PLXND1: variants seen among roughly 807,000 people sequenced by gnomAD.
The protein encoded by PLXND1 is plexin-D1.
PLXND1 carries 54 observed loss-of-function variants against 197.7 expected under a neutral mutation model. The observed-to-expected ratio is 0.27, with a 90% confidence interval of 0.22 to 0.34. The LOEUF is 0.34. Ranked by LOEUF, PLXND1 falls within the 10% of genes least tolerant of loss-of-function variation. The pLI, the probability that PLXND1 is intolerant of heterozygous loss-of-function variation, is 1.00. For synonymous variants in PLXND1, 1,180 were observed against 1,161.2 expected (o/e 1.02, Z -0.33); for missense variants, 2,127 against 2,699.2 (o/e 0.79, Z 4.70).
At chr3:129,604,699 C>G (rs1238586971) in intron 1 of PLXND1, among the ~76,000 whole-genome samples, 1 of 152,208 alleles carries the variant, frequency 6.6e-6, no homozygotes, top group African/African-American at 2.4e-5. Context: ...CCGACTCATG[C>G]CCAAATACCT....
chr3:129,566,051 G>A, intron 23 of PLXND1, 34 bp from the exon 24 acceptor site: 2 of 1,611,960 alleles, frequency 1.2e-6, no homozygotes, highest in South Asian at 1.1e-5. Flanking sequence ...GTGTCCAGAG[G>A]GGCCCAGTGT....
chr3:129,569,587 T>C (rs944915957), intron 20 of PLXND1: 2 of 468,940 alleles, frequency 4.3e-6, no homozygotes, highest in Non-Finnish European at 7.8e-6. Context: ...TGGTTCCAAA[T>C]TTCTCTGCTT....
Position 129,606,117 on chromosome 3 carries a change from C to G in PLXND1, c.523G>C (p.Val175Leu), listed in dbSNP as rs752620942. The change falls in exon 1 of 36, where the codon GTG becomes CTG. Residue 175 changes from valine to leucine, a missense_variant. Coordinates refer to ENST00000324093, the MANE Select transcript of PLXND1 (RefSeq NM_015103.3). ...PAAPPAEPVT[V>L]FPSMLNVAAN... ...GCCACGTTCAGCATGCTGGGGAACACCGTGACGGGCTCGGCGGGCGGCGCG... is the reference window on the plus strand; with the variant it reads ...GCCACGTTCAGCATGCTGGGGAACAGCGTGACGGGCTCGGCGGGCGGCGCG... The G allele has an allele frequency of 6.5e-7, 1 of 1,536,886 alleles. No homozygotes were observed. Among genetic ancestry groups the G allele is most frequent in the Non-Finnish European group, 8.7e-7 (1 of 1,149,054 alleles).
chr3:129,571,872 G>A (rs1301750849), intron 15 of PLXND1, 28 bp from the exon 16 acceptor site: 1 of 1,569,600 alleles, frequency 6.4e-7, no homozygotes, highest in East Asian at 2.4e-5. Flanking sequence ...TTATCAGCAG[G>A]GCCTGCCTTC....
chr3:129,585,844 G>T (rs766942162), intron 5 of PLXND1, 108 bp downstream of exon 5: 564 of 1,439,590 alleles, frequency 3.9e-4, no homozygotes, highest in Non-Finnish European at 5.2e-4. Context: ...TTGTCTTCAG[G>T]TCCTTGGGGC....
At position 129,561,658 on chromosome 3, in the gene PLXND1, T is replaced by A; in HGVS notation, c.4981A>T (p.Thr1661Ser). 2 of 1,607,702 alleles carry A rather than the reference T, an allele frequency of 1.2e-6. No individual in the cohort carries two copies. Among genetic ancestry groups the A allele is most frequent in the Non-Finnish European group, 1.7e-6 (2 of 1,177,052 alleles). Residue 1661 changes from threonine (T) to serine (S), a missense_variant, in exon 29 of 36, where the codon ACA becomes TCA. Physicochemically the swap from Thr to Ser is moderately conservative, Grantham distance 58. Coordinates refer to ENST00000324093, the MANE Select transcript of PLXND1 (RefSeq NM_015103.3). ...AMSLIDKKDN[T>S]LGRVKDLDTE... ...GCACCCGCACTACCTCGGCCCAGTG[T>A]GTTGTCCTTCTTGTCTATGAGACTC...
intron 22 of PLXND1, among the ~76,000 whole-genome samples, chr3:129,567,060 G>GGGCA (rs147341152): frequency 0.11 from 16,130 of 152,038 alleles, 1,634 homozygotes; most frequent in African/African-American, 0.27. Context: ...GACCCTGGAA[G>GGGCA]GGCAAGGGGA....
intron 1 of PLXND1, among the ~76,000 whole-genome samples, chr3:129,600,856 G>C (rs979077126): frequency 6.6e-6 from 1 of 151,902 alleles, no homozygotes; most frequent in Non-Finnish European, 1.5e-5. Context: ...TCTTGACGAC[G>C]TGCACCCACC....
rs2085238709 is a variant in PLXND1 at position 129,571,856 on chromosome 3, A to C, written c.3078-12T>G. ...TGGTATCTGTGCGCCTGGGGGGAGC[A>C]GCAGGTTATCAGCAGGGCCTGCCTT... is the stretch of plus-strand genomic sequence containing the variant. On this transcript the variant is annotated splice_polypyrimidine_tract_variant and intron_variant, in intron 15 of 35. Coordinates refer to ENST00000324093, the MANE Select transcript of PLXND1 (RefSeq NM_015103.3). The C allele has an allele frequency of 1.2e-6, 2 of 1,600,454 alleles. No homozygotes were observed. The highest frequency in any genetic ancestry group is 1.7e-6 in the Non-Finnish European group (2 of 1,173,746).
chr3:129,562,899 G>T lies in PLXND1; in HGVS notation c.4713C>A (p.Ser1571Arg). ...SFQGCGMDSL[S>R]VRAMDTDTLT... ...GCGTGTCGGTGTCCATGGCCCGCACGCTCAGCGAGTCCATGCCACAGCCCT... is the reference window on the plus strand; with the variant it reads ...GCGTGTCGGTGTCCATGGCCCGCACTCTCAGCGAGTCCATGCCACAGCCCT... Residue 1571 changes from serine (S) to arginine (R), a missense_variant, in exon 27 of 36, where the codon AGC becomes AGA. Ser to Arg is a moderately radical substitution (Grantham distance 110, BLOSUM62 -1). Around this residue, in one of 6 missense-constraint regions of PLXND1, gnomAD observed 532 missense variants for 811.0 expected, o/e 0.66. Coordinates refer to ENST00000324093, the MANE Select transcript of PLXND1 (RefSeq NM_015103.3). 6.2e-7 allele frequency: 1 copy of T among 1,609,488 alleles called. No individual in the cohort carries two copies.
intron 2 of PLXND1, among the ~76,000 whole-genome samples, chr3:129,587,361 G>A (rs11707404): frequency 0.094 from 14,364 of 152,260 alleles, 902 homozygotes; most frequent in East Asian, 0.26. Context: ...TTAAGGCTAG[G>A]GGTGTGGAAC....
intron 24 of PLXND1, among the ~76,000 whole-genome samples, 161 bp downstream of exon 24, chr3:129,565,725 AC>A (rs1246290783): frequency 6.6e-6 from 1 of 152,070 alleles, no homozygotes; most frequent in Non-Finnish European, 1.5e-5. Flanking sequence ...GTCCACAGCA[AC>A]CATCGTGCCC....
rs776316098 is a variant in PLXND1, at chr3:129,562,804, G to A, written c.4808C>T (p.Ala1603Val). 3 of 1,602,832 alleles carry A rather than the reference G, an allele frequency of 1.9e-6. No individual in the cohort carries two copies. Among genetic ancestry groups the A allele is most frequent in the African/African-American group, 2.7e-5 (2 of 74,838 alleles). ...KNVPYSQWPR[A>V]EDVDLEWFAS... The stretch of plus-strand genomic sequence containing the variant: ...CCACCCACCAAGGTCGACGTCCTCT[G>A]CACGCGGCCACTGGGAGTAGGGCAC... The change falls in exon 27 of 36, where the codon GCA (alanine) becomes GTA (valine). Residue 1603 changes from alanine (A) to valine (V), a missense_variant. Ala to Val is a moderately conservative substitution (Grantham distance 64, BLOSUM62 0). Transcript: ENST00000324093.
In PLXND1 at chr3:129,569,931, G is replaced by C; in HGVS notation, c.3777C>G (p.Thr1259=). ...ITIQVGNFNQ[T]IATLQLGGSE... is the part of the protein sequence containing the mutation. The stretch of plus-strand genomic sequence containing the variant: ...TGCCCCCCAGCTGCAGTGTGGCGAT[G>C]GTCTGGTTGAAGTTCCCTACCTGGA... The change falls in exon 20 of 36, where the codon ACC becomes ACG. Residue 1259 remains threonine (T), a synonymous_variant. Coordinates refer to ENST00000324093, the MANE Select transcript of PLXND1 (RefSeq NM_015103.3). 1.2e-6 allele frequency: 2 copies of C among 1,612,378 alleles called. No individual in the cohort carries two copies. The highest frequency in any genetic ancestry group is 1.7e-6 in the Non-Finnish European group (2 of 1,178,512).
At chr3:129,582,763 T>C (rs1316350433) in intron 8 of PLXND1, among the ~76,000 whole-genome samples, 1 of 152,230 alleles carries the variant, frequency 6.6e-6, no homozygotes, top group Non-Finnish European at 1.5e-5. Flanking sequence ...ATTTTTACTT[T>C]ATCTTTACAC....
Position 129,558,594 on chromosome 3 carries a change from A to G in PLXND1, c.5298-19T>C. 10 of 1,612,672 alleles carry G rather than the reference A, an allele frequency of 6.2e-6. No individual in the cohort carries two copies. Among genetic ancestry groups the G allele is most frequent in the Non-Finnish European group, 8.5e-6 (10 of 1,179,202 alleles). On this transcript the variant is annotated intron_variant, in intron 32 of 35. Transcript: ENST00000324093. The surrounding 1 kb of genome is among the most constrained non-coding windows in gnomAD (Gnocchi z 4.1). ...AGGAAGGCTGTGGGGTAGGGTGACAAAGACAGTGAGGGTAGGGTGGGGTAG... is the reference window on the plus strand; with the variant it reads ...AGGAAGGCTGTGGGGTAGGGTGACAGAGACAGTGAGGGTAGGGTGGGGTAG...
intron 1 of PLXND1, among the ~76,000 whole-genome samples, chr3:129,601,387 G>C (rs1576284355): frequency 6.6e-6 from 1 of 152,200 alleles, no homozygotes; most frequent in African/African-American, 2.4e-5. Flanking sequence ...GGAATGTCGG[G>C]AGGCCATCCT....
Position 129,559,647 on chromosome 3 carries a change from T to C in PLXND1, c.5270A>G (p.Asp1757Gly), listed in dbSNP as rs1308315945. The C allele has an allele frequency of 6.2e-7, 1 of 1,608,736 alleles. No homozygotes were observed. The change falls in exon 32 of 36, where the codon GAC (aspartate) becomes GGC (glycine). Residue 1757 changes from aspartate (D) to glycine (G), a missense_variant. Physicochemically the swap from Asp to Gly is moderately conservative, Grantham distance 94. Transcript: ENST00000324093. ...GTTGGTCTTCCAGATGTGTAGGGTG[T>C]CGGGGTCGGAGATTCCCCTCTTCTC... ...QAEKRGISDP[D>G]TLHIWKTNSL...
chr3:129,561,073 CG>C (rs1216372419), intron 29 of PLXND1: 1 of 483,682 alleles, frequency 2.1e-6, no homozygotes, highest in African/African-American at 2.0e-5. Context: ...GGAGGGACAG[CG>C]GTGGAGAGAA....
Sources: allele counts gnomAD v4.1 joint callset (sites outside exome capture counted in the v4.1 genomes callset), GRCh38; gene constraint gnomAD v4.1.1; regional missense constraint gnomAD v4.1.1; non-coding constraint Gnocchi (gnomAD v3.1); transcripts MANE v1.5; gene names NCBI Gene and HGNC (gene_info 2026-07-23, HGNC 2026-07-21).